The following SCARA5 variants were observed in gnomAD, a reference collection of about 807,000 sequenced individuals.
SCARA5 encodes scavenger receptor class A member 5.
In SCARA5, 45 loss-of-function variants were observed where a neutral mutation model predicts 46.3. The ratio of observed to expected loss-of-function variants is 0.97; its 90% CI spans 0.76 to 1.24. The LOEUF (loss-of-function observed/expected upper bound fraction) is 1.24. Ranked by LOEUF, SCARA5 falls within the 50% of genes most tolerant of loss-of-function variation. The probability of loss-of-function intolerance (pLI) is 0.00; values close to 1 mark genes in which losing one functional copy is unlikely to be tolerated. For missense variants in SCARA5, 680 were observed against 689.0 expected (o/e 0.99, Z 0.15); for synonymous variants, 333 against 306.5 (o/e 1.09, Z -0.90).
chr8:27,990,106 G>T (rs1808766770), intron 1 of SCARA5, among the ~76,000 whole-genome samples: 1 of 152,224 alleles, frequency 6.6e-6, no homozygotes, highest in Non-Finnish European at 1.5e-5. Flanking sequence ...CCTGGGACGG[G>T]GCTGGAATGC....
Position 27,941,797 on chromosome 8 carries a change from CATCATTATTATT to C in SCARA5, c.242-19564_242-19553del, listed in dbSNP as rs1379553424. Among the ~76,000 whole-genome samples the C allele has an allele frequency of 4.7e-3, 513 of 109,992 alleles. 2 individuals carry two copies. Among genetic ancestry groups the C allele is most frequent in the African/African-American group, 0.016 (495 of 31,836 alleles). The allele number at this position is 109,992 out of a possible 152,430, so 72.2% of individuals were successfully genotyped here. ...ACCAACATTTAATCCCCATTTACAT[CATCATTATTATT>C]ATTATTATTATTATTATTATTATTA... On this transcript the variant is annotated intron_variant, in intron 3 of 8. Transcript: ENST00000354914.
intron 3 of SCARA5, among the ~76,000 whole-genome samples, chr8:27,930,135 G>A (rs1807746146): frequency 6.6e-6 from 1 of 152,054 alleles, no homozygotes; most frequent in African/African-American, 2.4e-5. Context: ...GTTTTCCTGT[G>A]TCCCCACCCA....
At chr8:27,985,277 G>T (rs1808689246) in intron 2 of SCARA5, among the ~76,000 whole-genome samples, 3 of 152,106 alleles carry the variant, frequency 2.0e-5, no homozygotes, top group African/African-American at 7.2e-5. Flanking sequence ...GGAGGTGAGA[G>T]CATGGACCAA....
intron 3 of SCARA5, among the ~76,000 whole-genome samples, chr8:27,942,425 C>T (rs1257344437): frequency 1.3e-5 from 2 of 152,198 alleles, no homozygotes; most frequent in Non-Finnish European, 2.9e-5. Context: ...CACCACCAAG[C>T]CTGCCAGCTC....
At chr8:27,902,700 C>G (rs1444291368) in intron 7 of SCARA5, among the ~76,000 whole-genome samples, 1 of 152,194 alleles carries the variant, frequency 6.6e-6, no homozygotes, top group East Asian at 1.9e-4. Flanking sequence ...ACCTTGGCAG[C>G]ATTCTGTCAG....
At chr8:27,920,217 TC>T (rs1032884581) in intron 4 of SCARA5, among the ~76,000 whole-genome samples, 1 of 152,170 alleles carries the variant, frequency 6.6e-6, no homozygotes, top group Admixed American at 6.5e-5. Context: ...CATTCCATAG[TC>T]CCAGCACTTT....
At chr8:27,893,691 C>T (rs1807020200) in intron 7 of SCARA5, among the ~76,000 whole-genome samples, 1 of 152,194 alleles carries the variant, frequency 6.6e-6, no homozygotes, top group African/African-American at 2.4e-5. Context: ...ATTTTAAAGC[C>T]AGGATCTGGT....
chr8:27,985,221 G>A (rs1808688208), intron 2 of SCARA5, among the ~76,000 whole-genome samples: 1 of 152,170 alleles, frequency 6.6e-6, no homozygotes, highest in African/African-American at 2.4e-5. Context: ...AAAGGGGGAT[G>A]GAAACTCAGG....
In SCARA5 at chr8:27,922,212, T is replaced by A; in HGVS notation, c.275A>T (p.Lys92Met). Reference protein sequence around the residue: ...SRPRSSPDDLKALTRNVNRLN... With the variant: ...SRPRSSPDDLMALTRNVNRLN... Reference sequence around the variant, plus strand: ...CCGGTTCACATTGCGAGTCAGGGCCTTCAGGTCGTCAGGGGAGCTGCGCGG... The same window carrying A: ...CCGGTTCACATTGCGAGTCAGGGCCATCAGGTCGTCAGGGGAGCTGCGCGG... The change falls in exon 4 of 9, where the codon AAG becomes ATG. Residue 92 changes from lysine to methionine, a missense_variant. Physicochemically the swap from Lys to Met is moderately conservative, Grantham distance 95. Coordinates refer to ENST00000354914, the MANE Select transcript of SCARA5 (RefSeq NM_173833.6). The A allele has an allele frequency of 6.3e-7, 1 of 1,586,654 alleles. No homozygotes were observed.
chr8:27,990,821 C>T lies in SCARA5; in HGVS notation c.-16+1436G>A, dbSNP rs139982644. 7.4e-3 allele frequency among the ~76,000 whole-genome samples: 1,132 copies of T among 152,320 alleles called. 13 individuals are homozygous for T. Among genetic ancestry groups the T allele is most frequent in the African/African-American group, 0.026 (1,071 of 41,566 alleles). Reference sequence around the variant, plus strand: ...AGCCACAGTGACCTGTGGATGAAGCCCAAGGAGACTGGACCTCAACTTGCA... The same window carrying T: ...AGCCACAGTGACCTGTGGATGAAGCTCAAGGAGACTGGACCTCAACTTGCA... On this transcript the variant is annotated intron_variant, in intron 1 of 8. Coordinates refer to ENST00000354914, the MANE Select transcript of SCARA5 (RefSeq NM_173833.6).
At chr8:27,903,300 C>A (rs1807191277) in intron 7 of SCARA5, 1 of 152,202 alleles carries the variant, frequency 6.6e-6, no homozygotes, top group African/African-American at 2.4e-5. Flanking sequence ...ATATGAGCAA[C>A]TGAAGAGAAG....
chr8:27,949,561 G>A (rs1808090439), intron 3 of SCARA5, among the ~76,000 whole-genome samples: 1 of 152,192 alleles, frequency 6.6e-6, no homozygotes, highest in Non-Finnish European at 1.5e-5. Context: ...TATGGATTGA[G>A]TAGCTCAGGA....
intron 7 of SCARA5, among the ~76,000 whole-genome samples, chr8:27,894,717 T>C (rs939710): frequency 0.88 from 133,570 of 152,114 alleles, 59,600 homozygotes; most frequent in East Asian, 1. Flanking sequence ...GCATGTGCTC[T>C]CCACTAATGA....
At chr8:27,884,322 C>G (rs907041129) in intron 7 of SCARA5, among the ~76,000 whole-genome samples, 1 of 152,220 alleles carries the variant, frequency 6.6e-6, no homozygotes, top group Non-Finnish European at 1.5e-5. Context: ...AGCTGGAATT[C>G]AGAGGCTGGG....
intron 1 of SCARA5, among the ~76,000 whole-genome samples, chr8:27,988,031 G>A (rs377707756): frequency 2.6e-5 from 4 of 152,168 alleles, no homozygotes; most frequent in East Asian, 1.9e-4. Flanking sequence ...TCAGAAGCCC[G>A]GGGCATGCCA....
chr8:27,943,550 G>A (rs1807984291), intron 3 of SCARA5, among the ~76,000 whole-genome samples: 1 of 152,238 alleles, frequency 6.6e-6, no homozygotes, highest in African/African-American at 2.4e-5. Context: ...AGGGGTTGGG[G>A]AGAAGCCTAA....
At chr8:27,899,619 C>T (rs1481924158) in intron 7 of SCARA5, among the ~76,000 whole-genome samples, 15 of 152,256 alleles carry the variant, frequency 9.9e-5, no homozygotes, top group Admixed American at 5.2e-4. Flanking sequence ...CTATGGATGG[C>T]TTCCTAGTGC....
intron 3 of SCARA5, among the ~76,000 whole-genome samples, chr8:27,935,985 C>T (rs1807848888): frequency 6.6e-6 from 1 of 152,124 alleles, no homozygotes; most frequent in Non-Finnish European, 1.5e-5. Flanking sequence ...GTTCCTAGCT[C>T]AGCAGGAAAC....
chr8:27,921,430 G>A, intron 4 of SCARA5, 141 bp downstream of exon 4: 1 of 690,894 alleles, frequency 1.4e-6, no homozygotes, highest in Non-Finnish European at 2.3e-6. Context: ...GCAAGACTTA[G>A]AGAGTATGGG....
Sources: gnomAD v4.1 joint callset for allele counts (sites outside exome capture counted in the v4.1 genomes callset) on GRCh38, gnomAD v4.1.1 for gene constraint, MANE v1.5 for transcripts, NCBI Gene and HGNC (gene_info 2026-07-23, HGNC 2026-07-21) for gene names.